The following BCL3 variants were observed in gnomAD, a reference collection of about 807,000 sequenced individuals.
The protein encoded by BCL3 is B-cell lymphoma 3 protein.
BCL3 carries 15 observed loss-of-function variants against 35.7 expected under a neutral mutation model. The observed-to-expected ratio is 0.42, with a 90% CI of 0.28 to 0.65. The LOEUF (loss-of-function observed/expected upper bound fraction) is 0.65. BCL3 is among the 30% of genes least tolerant of loss of function. The pLI, the probability that BCL3 is intolerant of heterozygous loss-of-function variation, is 0.22. For missense variants in BCL3, 565 were observed against 641.7 expected, an observed-to-expected ratio of 0.88 and a Z score of 1.29; for synonymous variants, 311 against 284.3, an observed-to-expected ratio of 1.09 and a Z score of -0.95.
In BCL3 at chr19:44,757,648, C is replaced by T. The variant is rs1364156351; in HGVS notation, c.816C>T (p.Asp272=). 1.2e-6 allele frequency: 2 copies of T among 1,613,810 alleles called. No homozygotes were observed. The highest frequency in any genetic ancestry group is 2.2e-5 in the South Asian group (2 of 91,076). Residue 272 remains aspartate, a splice_region_variant and synonymous_variant, in exon 6 of 9, where the codon GAC becomes GAT. Coordinates refer to ENST00000164227, the MANE Select transcript of BCL3 (RefSeq NM_005178.5). This position sits in a 1 kb window ranked among gnomAD's most constrained non-coding sequence, Gnocchi z 8.4. ...LERGADIDAV[D]IKSGRSPLIH... is the part of the protein sequence containing the mutation. ...AAGACCTTCCCTCCCCGCCGCAGGA[C>T]ATTAAGAGCGGCCGCTCCCCGCTCA...
At chr19:44,758,434 A>G (rs912055738) in intron 7 of BCL3, 21 bp downstream of exon 7, 1 of 1,536,028 alleles carries the variant, frequency 6.5e-7, no homozygotes, top group Non-Finnish European at 8.8e-7. Context: ...GCAGCTGTGG[A>G]CATGCCCCTT....
At chr19:44,749,792 G>A (rs1021016575) in intron 1 of BCL3, among the ~76,000 whole-genome samples, 1 of 152,144 alleles carries the variant, frequency 6.6e-6, no homozygotes, top group African/African-American at 2.4e-5. Context: ...GGGGACTGAG[G>A]ATCCTAAGAT....
At chr19:44,747,774 C>T (rs755652967), upstream of BCL3, 161 of 1,059,484 alleles carry the variant, frequency 1.5e-4, no homozygotes, top group Non-Finnish European at 1.8e-4. Flanking sequence ...GTGTCTCTTG[C>T]TATCTCTCTT....
rs377213782 is a variant in BCL3 at position 44,759,971 on chromosome 19, G to A, written c.*356G>A. ...GAGGAGGGGAGAGGTGGGCCGTAACGGGCACGGATCACGATGTAAATTATT... is the reference window on the plus strand; with the variant it reads ...GAGGAGGGGAGAGGTGGGCCGTAACAGGCACGGATCACGATGTAAATTATT... On this transcript the variant is annotated 3_prime_UTR_variant, in exon 9 of 9. Coordinates refer to ENST00000164227, the MANE Select transcript of BCL3 (RefSeq NM_005178.5). 1.4e-5 allele frequency: 4 copies of A among 292,306 alleles called. No homozygotes were observed. Among genetic ancestry groups the A allele is most frequent in the African/African-American group, 2.1e-5 (1 of 46,698 alleles). 18.1% of individuals were successfully genotyped at this position (292,306 alleles called of 1,614,324 possible). A position where few individuals can be genotyped will look rare whatever the true frequency, so the allele number is the denominator to read the frequency against.
intron 3 of BCL3, among the ~76,000 whole-genome samples, chr19:44,756,713 C>T (rs561414344): frequency 2.9e-4 from 44 of 150,774 alleles, no homozygotes; most frequent in Non-Finnish European, 4.9e-4. Flanking sequence ...GGAAGAAGGG[C>T]TCTGGGGCCT....
rs113972085 is a variant in BCL3, at chr19:44,757,118, G to A, written c.621G>A (p.Thr207=). The change falls in exon 4 of 9, where the codon ACG becomes ACA. Residue 207 remains threonine, a synonymous_variant. Transcript: ENST00000164227. The surrounding 1 kb of genome is among the most constrained non-coding windows in gnomAD (Gnocchi z 8.4). ...SPMALDRHGQ[T]AAHLACEHRS... ...TGGCGCTGGACCGCCATGGCCAGAC[G>A]GCCGCTCACCTGGCGTGCGAGCACC... 1.2e-6 allele frequency: 2 copies of A among 1,604,364 alleles called. No individual in the cohort carries two copies. Among genetic ancestry groups the A allele is most frequent in the Non-Finnish European group, 1.7e-6 (2 of 1,176,198 alleles).
chr19:44,748,709 G>A lies in BCL3; in HGVS notation c.-82G>A. 2 of 1,054,674 alleles carry A rather than the reference G, an allele frequency of 1.9e-6. No homozygotes were observed. The highest frequency in any genetic ancestry group is 2.3e-6 in the Non-Finnish European group (2 of 875,536). The allele number at this position is 1,054,674 out of a possible 1,614,324, so 65.3% of individuals were successfully genotyped here. A position where few individuals can be genotyped will look rare whatever the true frequency, so the allele number is the denominator to read the frequency against. On this transcript the variant is annotated 5_prime_UTR_variant, in exon 1 of 9. Coordinates refer to ENST00000164227, the MANE Select transcript of BCL3 (RefSeq NM_005178.5). ...AGTCCCTTCAGTTCAGCCGGCTGCA[G>A]GGGAAGTCCCGGCGCCCGGCGAAAC...
chr19:44,751,665 G>A (rs181214710), intron 2 of BCL3, among the ~76,000 whole-genome samples: 5 of 152,080 alleles, frequency 3.3e-5, no homozygotes, highest in African/African-American at 7.2e-5. Context: ...GCAGTGGCAC[G>A]ATCTCAGCTC....
At position 44,751,227 on chromosome 19, in the gene BCL3, G is replaced by A. The variant is rs201526615; in HGVS notation, c.257G>A (p.Gly86Glu). 3.1e-6 allele frequency: 5 copies of A among 1,608,486 alleles called. No homozygotes were observed. Among genetic ancestry groups the A allele is most frequent in the East Asian group, 2.3e-5 (1 of 44,372 alleles). ...LARPEALYYP[G>E]ALLPLYPTRA... The stretch of plus-strand genomic sequence containing the variant: ...CCCTTCTCTGTCCTCCATTGTCCAG[G>A]AGCCTTACTGCCTTTGTACCCCACT... Residue 86 changes from glycine (G) to glutamate (E), a missense_variant and splice_region_variant, in exon 2 of 9, where the codon GGA becomes GAA. This residue lies in a region of BCL3 where 267 missense variants were observed against 281.5 expected (regional missense o/e 0.95). Transcript: ENST00000164227.
At chr19:44,756,870 G>A (rs747679905) in intron 3 of BCL3, 147 bp from the exon 4 acceptor site, 17 of 750,530 alleles carry the variant, frequency 2.3e-5, no homozygotes, top group Non-Finnish European at 3.6e-5. Context: ...CATGGGGCCC[G>A]GACTCTTGAA....
intron 2 of BCL3, 165 bp from the exon 3 acceptor site, chr19:44,756,067 G>A (rs1967273439): frequency 2.3e-6 from 1 of 431,780 alleles, no homozygotes. Context: ...AGGATGGAGG[G>A]AGCGGGTGGT....
chr19:44,750,444 A>C (rs1270323627), intron 1 of BCL3, among the ~76,000 whole-genome samples: 1 of 151,932 alleles, frequency 6.6e-6, no homozygotes, highest in Admixed American at 6.6e-5. Flanking sequence ...GATTACAGGC[A>C]TGCACCACCA....
chr19:44,747,845 C>T, upstream of BCL3: 4 of 1,151,684 alleles, frequency 3.5e-6, no homozygotes, highest in African/African-American at 3.2e-5. Flanking sequence ...TAGGATTTTC[C>T]GAGCACCCAC....
Position 44,757,931 on chromosome 19 carries a change from T to A in BCL3, c.891+208T>A, listed in dbSNP as rs1967330869. Among the ~76,000 whole-genome samples, 1 of 152,092 alleles carries A rather than the reference T, an allele frequency of 6.6e-6. No individual in the cohort carries two copies. The highest frequency in any genetic ancestry group is 1.5e-5 in the Non-Finnish European group (1 of 68,004). ...CTTGTCCCATTCCTCCTCTGCCACC[T>A]CAACGGCCTAGGCCCCGCCCTGCGA... On this transcript the variant is annotated intron_variant, in intron 6 of 8. Coordinates refer to ENST00000164227, the MANE Select transcript of BCL3 (RefSeq NM_005178.5). This position sits in a 1 kb window ranked among gnomAD's most constrained non-coding sequence, Gnocchi z 8.4.
rs1357480808 is a variant in BCL3 at position 44,748,877 on chromosome 19, G to A, written c.87G>A (p.Ala29=). The part of the protein sequence containing the change: ...RPKAAGLPGA[A]LPLRKRPLRA... The stretch of plus-strand genomic sequence containing the variant: ...AGGCCGCCGGACTCCCGGGCGCCGC[G>A]CTGCCGCTCCGCAAGCGCCCGCTGC... The change falls in exon 1 of 9, where the codon GCG becomes GCA. Residue 29 remains alanine, a synonymous_variant. Transcript: ENST00000164227. The A allele has an allele frequency of 2.6e-5, 29 of 1,112,134 alleles. No individual in the cohort carries two copies. The East Asian group carries it at 1.1e-3, about 42-fold the overall frequency. The allele number at this position is 1,112,134 out of a possible 1,614,324, so 68.9% of individuals were successfully genotyped here.
rs1967298425 is a variant in BCL3 at position 44,756,873 on chromosome 19, C to T, written c.520-144C>T. The T allele has an allele frequency of 1.3e-5, 10 of 771,994 alleles. No individual in the cohort carries two copies. In the South Asian group the frequency reaches 1.6e-4, roughly 12 times the overall value. The allele number at this position is 771,994 out of a possible 1,614,324, so 47.8% of individuals were successfully genotyped here. A position where few individuals can be genotyped will look rare whatever the true frequency, so the allele number is the denominator to read the frequency against. ...GGGAAGGAGGAGCATGGGGCCCGGA[C>T]TCTTGAATCTGAGACAGGAGGTGTC... is the stretch of plus-strand genomic sequence containing the variant. On this transcript the variant is annotated intron_variant, in intron 3 of 8. Transcript: ENST00000164227.
At chr19:44,752,825 C>T (rs770811031) in intron 2 of BCL3, among the ~76,000 whole-genome samples, 29 of 152,260 alleles carry the variant, frequency 1.9e-4, no homozygotes, top group Non-Finnish European at 4.0e-4. Context: ...CAGGAACCAT[C>T]GCGTGTGAGG....
At position 44,758,771 on chromosome 19, in the gene BCL3, C is replaced by T. The variant is rs1383175327; in HGVS notation, c.1107C>T (p.Ser369=). The change falls in exon 8 of 9, where the codon TCC becomes TCT. Residue 369 remains serine (S), a synonymous_variant. Coordinates refer to ENST00000164227, the MANE Select transcript of BCL3 (RefSeq NM_005178.5). ...RGKATRPAST[S]QPDPSPDRSA... ...AGGCCACCCGGCCTGCTTCCACCTCCCAGCCAGACCCCTCCCCTGACCGGA... is the reference window on the plus strand; with the variant it reads ...AGGCCACCCGGCCTGCTTCCACCTCTCAGCCAGACCCCTCCCCTGACCGGA... 6.2e-7 allele frequency: 1 copy of T among 1,608,394 alleles called. No individual in the cohort carries two copies. The highest frequency in any genetic ancestry group is 8.5e-7 in the Non-Finnish European group (1 of 1,178,168).
At chr19:44,751,124 GGGCAGGT>G (rs1967170004) in intron 1 of BCL3, 96 bp from the exon 2 acceptor site, 1 of 1,431,096 alleles carries the variant, frequency 7.0e-7, no homozygotes, top group African/African-American at 1.5e-5. Context: ...CCAGGAGAAA[GGGCAGGT>G]GACACCACAG....
Sources: allele counts gnomAD v4.1 joint callset (sites outside exome capture counted in the v4.1 genomes callset), GRCh38; gene constraint gnomAD v4.1.1; regional missense constraint gnomAD v4.1.1; non-coding constraint Gnocchi (gnomAD v3.1); transcripts MANE v1.5; gene names NCBI Gene and HGNC (gene_info 2026-07-23, HGNC 2026-07-21).